The following KEL variants were observed in gnomAD, a reference collection of about 807,000 sequenced individuals.
The protein encoded by KEL is kell blood group glycoprotein.
KEL carries 96 observed loss-of-function variants against 99.5 expected under a neutral mutation model. That is an observed-to-expected ratio of 0.97 (90% CI 0.82 to 1.14). KEL has a LOEUF of 1.14. KEL is among the 50% of genes most tolerant of loss of function. KEL has a pLI of 0.00. For missense variants in KEL, 926 were observed against 924.2 expected, an observed-to-expected ratio of 1.00 and a Z score of -0.03; for synonymous variants, 355 against 354.8, an observed-to-expected ratio of 1.00 and a Z score of -0.01.
At position 142,959,775 on chromosome 7, in the gene KEL, C is replaced by G. The variant is rs150865860; in HGVS notation, c.400+1153G>C. ...CAGTCCCCCTGATATCTATTCATCCCATTGTAGGCAATATAATTTATCCTG... is the reference window on the plus strand; with the variant it reads ...CAGTCCCCCTGATATCTATTCATCCGATTGTAGGCAATATAATTTATCCTG... On this transcript the variant is annotated intron_variant, in intron 4 of 18. Coordinates refer to ENST00000355265, the MANE Select transcript of KEL (RefSeq NM_000420.3). Among the ~76,000 whole-genome samples, 363 of 152,272 alleles carry G rather than the reference C, an allele frequency of 2.4e-3. 5 individuals are homozygous for G. The highest frequency in any genetic ancestry group is 0.013 in the East Asian group (69 of 5,184).
intron 10 of KEL, among the ~76,000 whole-genome samples, chr7:142,949,964 CAAT>C (rs1159173520): frequency 6.6e-6 from 1 of 152,132 alleles, no homozygotes; most frequent in Non-Finnish European, 1.5e-5. Context: ...AAAGATGGGC[CAAT>C]AATGAGATTT....
intron 10 of KEL, among the ~76,000 whole-genome samples, chr7:142,948,499 A>G (rs1034543660): frequency 6.6e-5 from 10 of 152,182 alleles, no homozygotes; most frequent in African/African-American, 2.4e-4. Context: ...CCAATCTTCT[A>G]TAGGATGAAA....
At chr7:142,943,093 G>A in intron 16 of KEL, 49 bp from the exon 17 acceptor site, 2 of 1,606,324 alleles carry the variant, frequency 1.2e-6, no homozygotes, top group Non-Finnish European at 1.7e-6. Context: ...CATAGGGTTG[G>A]TGCTGCCTAG....
In KEL at chr7:142,954,207, T is replaced by C. The variant is rs539031722; in HGVS notation, c.901A>G (p.Met301Val). The C allele has an allele frequency of 1.9e-6, 3 of 1,611,838 alleles. No individual in the cohort carries two copies. The East Asian group carries it at 6.7e-5, about 36-fold the overall frequency. Reference protein sequence around the residue: ...QRRAQGKLFQMVTIDQLKEMA... With the variant: ...QRRAQGKLFQVVTIDQLKEMA... ...ACCTTGAGCTGGTCGATAGTGACCA[T>C]CTGGAAGAGCTTGCCCTGTGCCCGC... The change falls in exon 8 of 19, where the codon ATG becomes GTG. Residue 301 changes from methionine to valine, a missense_variant. Met to Val is a conservative substitution (Grantham distance 21, BLOSUM62 1). Transcript: ENST00000355265.
intron 17 of KEL, 109 bp from the exon 18 acceptor site, chr7:142,942,638 C>A: frequency 1.1e-6 from 1 of 908,040 alleles, no homozygotes; most frequent in Non-Finnish European, 1.8e-6. Context: ...TGGTTCTGCA[C>A]TGACTAGTTG....
chr7:142,956,240 T>C (rs983687388), intron 6 of KEL, among the ~76,000 whole-genome samples: 2 of 152,192 alleles, frequency 1.3e-5, no homozygotes, highest in Non-Finnish European at 2.9e-5. Flanking sequence ...TGAACTATCA[T>C]CACTAGGGTG....
chr7:142,962,054 T>C, intron 1 of KEL, 150 bp downstream of exon 1: 1 of 1,610,652 alleles, frequency 6.2e-7, no homozygotes, highest in East Asian at 2.2e-5. Flanking sequence ...GAATGTGCCA[T>C]TTCTCGATCC....
intron 10 of KEL, among the ~76,000 whole-genome samples, chr7:142,951,038 C>T (rs771711756): frequency 9.2e-5 from 14 of 152,324 alleles, no homozygotes; most frequent in Middle Eastern, 3.4e-3. Flanking sequence ...CCATGTATAG[C>T]AGCTATTATC....
intron 15 of KEL, 59 bp downstream of exon 15, chr7:142,943,427 T>A: frequency 6.2e-7 from 1 of 1,605,716 alleles, no homozygotes; most frequent in South Asian, 1.1e-5. Context: ...CCATCCATCA[T>A]AACACCTGTC....
In KEL at chr7:142,943,572, G is replaced by A. The variant is rs964320946; in HGVS notation, c.1617C>T (p.Val539=). ...GGTCAGATACCGAATAGTAAGCATT[G>A]ACGTCCCAAGGGGACACCTTCCACC... ...QHRWKVSPWD[V]NAYYSVSDHV... is the part of the protein sequence containing the mutation. Residue 539 remains valine (V), a synonymous_variant, in exon 15 of 19, where the codon GTC becomes GTT. Coordinates refer to ENST00000355265, the MANE Select transcript of KEL (RefSeq NM_000420.3). 5 of 1,613,892 alleles carry A rather than the reference G, an allele frequency of 3.1e-6. No individual in the cohort carries two copies. In the Admixed American group the frequency reaches 8.3e-5, roughly 27 times the overall value.
At chr7:142,952,725 T>C in intron 9 of KEL, 87 bp from the exon 10 acceptor site, 1 of 1,486,232 alleles carries the variant, frequency 6.7e-7, no homozygotes, top group Non-Finnish European at 9.3e-7. Flanking sequence ...GTCACCTTGA[T>C]ACTCGTGAAG....
chr7:142,958,464 G>A, intron 4 of KEL, 36 bp from the exon 5 acceptor site: 1 of 1,609,016 alleles, frequency 6.2e-7, no homozygotes, highest in Non-Finnish European at 8.5e-7. Flanking sequence ...ACTAAACTCT[G>A]ATTTTTTTTA....
At chr7:142,958,456 T>A in intron 4 of KEL, 28 bp from the exon 5 acceptor site, 1 of 1,611,766 alleles carries the variant, frequency 6.2e-7, no homozygotes, top group Non-Finnish European at 8.5e-7. Flanking sequence ...GAGTGAGGAC[T>A]AAACTCTGAT....
chr7:142,944,265 T>C, intron 13 of KEL, 58 bp downstream of exon 13: 3 of 1,334,028 alleles, frequency 2.2e-6, no homozygotes, highest in Non-Finnish European at 2.2e-6. Flanking sequence ...CTTAGGAGGG[T>C]CAGAGAAGTG....
intron 10 of KEL, among the ~76,000 whole-genome samples, chr7:142,948,592 T>C (rs543449873): frequency 6.6e-6 from 1 of 152,186 alleles, no homozygotes; most frequent in African/African-American, 2.4e-5. Flanking sequence ...ATTAAACAGT[T>C]TTTTAACACT....
chr7:142,957,738 T>C, intron 6 of KEL, 89 bp downstream of exon 6: 1 of 1,538,288 alleles, frequency 6.5e-7, no homozygotes, highest in South Asian at 1.1e-5. Flanking sequence ...TGTCCTCTCT[T>C]CCCAACCTGC....
intron 6 of KEL, among the ~76,000 whole-genome samples, chr7:142,955,295 A>C (rs1451965062): frequency 6.6e-6 from 1 of 152,206 alleles, no homozygotes; most frequent in Non-Finnish European, 1.5e-5. Flanking sequence ...TTCCCCAAAA[A>C]AACATACTTT....
At position 142,944,944 on chromosome 7, in the gene KEL, T is replaced by TG. The variant is rs984083915; in HGVS notation, c.1315-204dup. 12 of 628,100 alleles carry TG rather than the reference T, an allele frequency of 1.9e-5. No individual in the cohort carries two copies. In the African/African-American group the frequency reaches 2.2e-4, roughly 12 times the overall value. 38.9% of individuals were successfully genotyped at this position (628,100 alleles called of 1,614,324 possible). On this transcript the variant is annotated intron_variant, in intron 11 of 18. Coordinates refer to ENST00000355265, the MANE Select transcript of KEL (RefSeq NM_000420.3). ...CAGTGCCAAGCCCACAAAGGGAAGGTGGGGCCTGGCCATCCGTGAGGGCCA... is the reference window on the plus strand; with the variant it reads ...CAGTGCCAAGCCCACAAAGGGAAGGTGGGGGCCTGGCCATCCGTGAGGGCCA...
chr7:142,952,604 C>T lies in KEL; in HGVS notation c.1108G>A (p.Val370Met). ...FLQSHMILGLVVTLSPALDSQ... is the reference protein window; with the variant it reads ...FLQSHMILGLMVTLSPALDSQ... ...TCCAGGGCTGGAGAAAGGGTCACCA[C>T]CAGCCCTAAGATCATGTGGCTCTGC... Residue 370 changes from valine (V) to methionine (M), a missense_variant, in exon 10 of 19, where the codon GTG (valine) becomes ATG (methionine). Coordinates refer to ENST00000355265, the MANE Select transcript of KEL (RefSeq NM_000420.3). 6.2e-7 allele frequency: 1 copy of T among 1,614,132 alleles called. No homozygotes were observed. Among genetic ancestry groups the T allele is most frequent in the Non-Finnish European group, 8.5e-7 (1 of 1,180,020 alleles).
Sources: gnomAD v4.1 joint callset for allele counts (sites outside exome capture counted in the v4.1 genomes callset) on GRCh38, gnomAD v4.1.1 for gene constraint, MANE v1.5 for transcripts, NCBI Gene and HGNC (gene_info 2026-07-23, HGNC 2026-07-21) for gene names.